The following FIP1L1 variants were observed in gnomAD, a reference collection of about 807,000 sequenced individuals.
The protein encoded by FIP1L1 is pre-mRNA 3'-end-processing factor FIP1.
Under a neutral mutation model 84.6 loss-of-function variants are expected in FIP1L1, and 21 were observed. The observed-to-expected ratio is 0.25, with a 90% CI of 0.18 to 0.36. The LOEUF (loss-of-function observed/expected upper bound fraction) is 0.36, where lower values mean the gene tolerates loss of function less well. FIP1L1 is among the 10% of genes least tolerant of loss of function. The probability of loss-of-function intolerance (pLI) is 1.00; values close to 1 mark genes in which losing one functional copy is unlikely to be tolerated. For missense variants in FIP1L1, 526 were observed against 751.1 expected (o/e 0.70, Z 3.50); for synonymous variants, 263 against 242.3 (o/e 1.09, Z -0.80).
intron 13 of FIP1L1, among the ~76,000 whole-genome samples, chr4:53,431,409 TA>T (rs1766593805): frequency 1.3e-5 from 2 of 152,230 alleles, no homozygotes; most frequent in South Asian, 4.1e-4. Flanking sequence ...TTTTCTTAGA[TA>T]AACTGTCTTG....
chr4:53,420,758 C>T (rs375694485), intron 11 of FIP1L1, among the ~76,000 whole-genome samples: 34 of 152,012 alleles, frequency 2.2e-4, no homozygotes, highest in African/African-American at 7.3e-4. Context: ...TCATGTTGCC[C>T]GGGCTGATCT....
intron 11 of FIP1L1, among the ~76,000 whole-genome samples, chr4:53,417,662 A>AAG (rs1553917516): frequency 4.2e-5 from 6 of 142,806 alleles, no homozygotes; most frequent in African/African-American, 1.1e-4. Flanking sequence ...AAAAAAAAAA[A>AAG]AAAAGAAAAG....
Position 53,382,280 on chromosome 4 carries a change from C to T in FIP1L1, c.173C>T (p.Ala58Val), listed in dbSNP as rs1738518664. The change falls in exon 4 of 18, where the codon GCT becomes GTT. Residue 58 changes from alanine (A) to valine (V), a missense_variant and splice_region_variant. By Grantham distance (64) the Ala-to-Val change is moderately conservative. Transcript: ENST00000337488. ...VERPEEENAS[A>V]NPPSGIEDET... Reference sequence around the variant, plus strand: ...ATACTTACTTTTGTTGTTTGTAGTGCTAATCCTCCATCTGGAATTGAAGAT... The same window carrying T: ...ATACTTACTTTTGTTGTTTGTAGTGTTAATCCTCCATCTGGAATTGAAGAT... 6.2e-7 allele frequency: 1 copy of T among 1,612,156 alleles called. No individual in the cohort carries two copies. The highest frequency in any genetic ancestry group is 1.3e-5 in the African/African-American group (1 of 74,968).
intron 10 of FIP1L1, among the ~76,000 whole-genome samples, chr4:53,409,613 C>G (rs1016516246): frequency 0.017 from 2,553 of 152,336 alleles, 31 homozygotes; most frequent in Non-Finnish European, 0.028. Context: ...CAGAGGCAGG[C>G]AGGCTTCCTT....
At chr4:53,380,899 C>T (rs1194292626) in intron 3 of FIP1L1, among the ~76,000 whole-genome samples, 5 of 152,056 alleles carry the variant, frequency 3.3e-5, no homozygotes, top group Non-Finnish European at 5.9e-5. Flanking sequence ...TAATCTTTAT[C>T]CCATTAATTT....
Position 53,425,939 on chromosome 4 carries a change from C to A in FIP1L1, c.991C>A (p.Arg331=). 6.2e-7 allele frequency: 1 copy of A among 1,611,174 alleles called. No homozygotes were observed. Among genetic ancestry groups the A allele is most frequent in the Non-Finnish European group, 8.5e-7 (1 of 1,178,112 alleles). ...ITISRVEGRR[R]ANENSNIQVL... ...TATCAGCCGAGTAGAAGGCAGGCGA[C>A]GGGCAAATGAGAACAGCAACATACA... Residue 331 remains arginine (R), a synonymous_variant, in exon 12 of 18, where the codon CGG becomes AGG. Coordinates refer to ENST00000337488, the MANE Select transcript of FIP1L1 (RefSeq NM_030917.4).
chr4:53,451,952 C>T (rs997532617), intron 15 of FIP1L1, among the ~76,000 whole-genome samples: 4 of 150,906 alleles, frequency 2.7e-5, no homozygotes, highest in Non-Finnish European at 5.9e-5. Context: ...GGTGCAATCT[C>T]GGCTCACTGC....
chr4:53,397,010 C>G (rs1051595305), intron 9 of FIP1L1, among the ~76,000 whole-genome samples: 2 of 152,308 alleles, frequency 1.3e-5, no homozygotes, highest in East Asian at 3.9e-4. Flanking sequence ...GCAGTTTTTA[C>G]TGCTAGAGAG....
At chr4:53,426,614 T>C (rs896663484) in intron 12 of FIP1L1, among the ~76,000 whole-genome samples, 2 of 152,168 alleles carry the variant, frequency 1.3e-5, no homozygotes, top group African/African-American at 4.8e-5. Flanking sequence ...CACCTAAAGA[T>C]AACCACATCT....
chr4:53,437,626 C>A (rs955824712), intron 13 of FIP1L1, among the ~76,000 whole-genome samples: 21 of 151,910 alleles, frequency 1.4e-4, no homozygotes, highest in Non-Finnish European at 2.6e-4. Flanking sequence ...ATCAGAAATT[C>A]TAGGGGAAGG....
chr4:53,421,522 A>G (rs1762427171), intron 11 of FIP1L1, among the ~76,000 whole-genome samples: 1 of 152,222 alleles, frequency 6.6e-6, no homozygotes, highest in South Asian at 2.1e-4. Flanking sequence ...ATTTCCATGC[A>G]GAACTGTTTA....
intron 3 of FIP1L1, 139 bp from the exon 4 acceptor site, chr4:53,382,137 GAC>G (rs1738405182): frequency 3.4e-6 from 2 of 586,818 alleles, no homozygotes; most frequent in Admixed American, 6.1e-5. Flanking sequence ...AACGGAATAA[GAC>G]AGTCAGATTT....
intron 11 of FIP1L1, among the ~76,000 whole-genome samples, chr4:53,421,056 C>T (rs1284426281): frequency 1.3e-5 from 2 of 152,118 alleles, no homozygotes; most frequent in Non-Finnish European, 2.9e-5. Flanking sequence ...GTCTGGTGTA[C>T]ACCCTGTGCA....
At chr4:53,401,199 A>G (rs1435607528) in intron 10 of FIP1L1, among the ~76,000 whole-genome samples, 1 of 152,192 alleles carries the variant, frequency 6.6e-6, no homozygotes, top group Admixed American at 6.5e-5. Context: ...GATGTTTGCT[A>G]TTATACTTAA....
chr4:53,401,300 G>C (rs1206661759), intron 10 of FIP1L1, among the ~76,000 whole-genome samples: 1 of 152,090 alleles, frequency 6.6e-6, no homozygotes, highest in Non-Finnish European at 1.5e-5. Flanking sequence ...ATTATGTAAG[G>C]GCTGTGTGCC....
chr4:53,425,736 T>C, intron 11 of FIP1L1, 136 bp from the exon 12 acceptor site: 1 of 602,022 alleles, frequency 1.7e-6, no homozygotes, highest in Non-Finnish European at 2.9e-6. Flanking sequence ...TCAGGGATAT[T>C]TTTCAATGTG....
intron 11 of FIP1L1, among the ~76,000 whole-genome samples, chr4:53,425,317 C>T (rs988060093): frequency 4.0e-5 from 6 of 151,836 alleles, no homozygotes; most frequent in South Asian, 4.2e-4. Context: ...AGAGGTGAGG[C>T]GGGTATTTAA....
intron 10 of FIP1L1, among the ~76,000 whole-genome samples, chr4:53,407,961 G>T (rs1407153971): frequency 6.6e-6 from 1 of 152,180 alleles, no homozygotes; most frequent in South Asian, 2.1e-4. Context: ...TTGCCAGTCT[G>T]TGTCTTTTAA....
rs973896526 is a variant in FIP1L1 at position 53,453,038 on chromosome 4, C to A, written c.1404C>A (p.Asp468Glu). The A allele has an allele frequency of 1.2e-6, 2 of 1,611,864 alleles. No homozygotes were observed. Among genetic ancestry groups the A allele is most frequent in the African/African-American group, 2.7e-5 (2 of 74,824 alleles). The part of the protein sequence containing the change: ...EKDRDRERDR[D>E]RERDRDRDRE... The stretch of plus-strand genomic sequence containing the variant: ...ACCGAGATAGAGAGAGAGACAGAGA[C>A]AGAGAGCGAGACCGTGATCGGGACA... The change falls in exon 16 of 18, where the codon GAC becomes GAA. Residue 468 changes from aspartate to glutamate, a missense_variant. Around this residue, in one of 6 missense-constraint regions of FIP1L1, gnomAD observed 89 missense variants for 169.0 expected, o/e 0.53. Transcript: ENST00000337488.
Sources: gnomAD v4.1 joint callset for allele counts (sites outside exome capture counted in the v4.1 genomes callset) on GRCh38, gnomAD v4.1.1 for gene constraint, gnomAD v4.1.1 regional missense constraint, MANE v1.5 for transcripts, NCBI Gene and HGNC (gene_info 2026-07-23, HGNC 2026-07-21) for gene names.